Variants in UNC13B observed in about 807,000 individuals in gnomAD.
UNC13B encodes protein unc-13 homolog B.
Under a neutral mutation model 211.0 loss-of-function variants are expected in UNC13B, and 144 were observed. The observed-to-expected ratio is 0.68, with a 90% confidence interval of 0.60 to 0.78. The LOEUF (loss-of-function observed/expected upper bound fraction) is 0.78, where lower values mean the gene tolerates loss of function less well. Among genes scored for constraint, UNC13B ranks in the 30% least tolerant of loss-of-function variants. UNC13B has a pLI of 0.00. For synonymous variants in UNC13B, 709 were observed against 725.8 expected (o/e 0.98, Z 0.37); for missense variants, 1,777 against 2,002.0 (o/e 0.89, Z 2.14).
intron 1 of UNC13B, among the ~76,000 whole-genome samples, chr9:35,201,703 G>GCGTCTATTT: frequency 6.6e-6 from 1 of 152,144 alleles, no homozygotes; most frequent in Middle Eastern, 3.4e-3. Context: ...ATTTTTTACT[G>GCGTCTATTT]CGTCTATTTG....
At chr9:35,235,406 C>T (rs1039945411) in intron 3 of UNC13B, among the ~76,000 whole-genome samples, 5 of 152,110 alleles carry the variant, frequency 3.3e-5, no homozygotes, top group Non-Finnish European at 7.4e-5. Context: ...TTCTCAGGGA[C>T]CCTACTTCTA....
chr9:35,226,987 G>T (rs1212061779), intron 1 of UNC13B, among the ~76,000 whole-genome samples: 1 of 152,156 alleles, frequency 6.6e-6, no homozygotes, highest in Admixed American at 6.5e-5. Context: ...ATTAGTAATT[G>T]CAGAGCTTAA....
chr9:35,228,099 G>T, intron 2 of UNC13B, 55 bp downstream of exon 2: 1 of 1,470,100 alleles, frequency 6.8e-7, no homozygotes, highest in South Asian at 1.3e-5. Flanking sequence ...TTATTTCAAA[G>T]CAATTTAAAA....
chr9:35,211,885 T>C (rs758908092), intron 1 of UNC13B, among the ~76,000 whole-genome samples: 2 of 152,200 alleles, frequency 1.3e-5, no homozygotes, highest in Non-Finnish European at 2.9e-5. Context: ...GGCTTGAGCC[T>C]GGGAGGTTGA....
In UNC13B at chr9:35,295,747, G is replaced by A. The variant is rs1235769574; in HGVS notation, c.578G>A (p.Ser193Asn). 6.2e-7 allele frequency: 1 copy of A among 1,614,136 alleles called. No individual in the cohort carries two copies. The highest frequency in any genetic ancestry group is 8.5e-7 in the Non-Finnish European group (1 of 1,180,026). ...AVDDRDSDYRSETSNSFPPPY... is the reference protein window; with the variant it reads ...AVDDRDSDYRNETSNSFPPPY... ...GATGACCGAGATAGTGACTATCGCAGTGAGACCAGCAACAGCTTCCCACCT... is the reference window on the plus strand; with the variant it reads ...GATGACCGAGATAGTGACTATCGCAATGAGACCAGCAACAGCTTCCCACCT... The change falls in exon 8 of 40, where the codon AGT becomes AAT. Residue 193 changes from serine (S) to asparagine (N), a missense_variant. By Grantham distance (46) the Ser-to-Asn change is conservative (BLOSUM62 1). Transcript: ENST00000635942.
intron 1 of UNC13B, among the ~76,000 whole-genome samples, chr9:35,209,347 A>G (rs1823839671): frequency 6.7e-6 from 1 of 149,998 alleles, no homozygotes; most frequent in African/African-American, 2.5e-5. Flanking sequence ...TAGAGGCATG[A>G]GCTACCACGC....
intron 7 of UNC13B, among the ~76,000 whole-genome samples, chr9:35,267,276 G>T (rs1369609566): frequency 6.6e-6 from 1 of 152,126 alleles, no homozygotes; most frequent in Non-Finnish European, 1.5e-5. Context: ...GGGAAAGTGA[G>T]CCTCTGGTCC....
chr9:35,202,026 C>G (rs1823330358), intron 1 of UNC13B, among the ~76,000 whole-genome samples: 1 of 152,118 alleles, frequency 6.6e-6, no homozygotes, highest in Non-Finnish European at 1.5e-5. Flanking sequence ...ACCAGAGATT[C>G]TGGTATGTTG....
At chr9:35,312,377 T>C (rs552124366) in intron 10 of UNC13B, among the ~76,000 whole-genome samples, 1 of 152,368 alleles carries the variant, frequency 6.6e-6, no homozygotes, top group African/African-American at 2.4e-5. Context: ...GCTCATCTAA[T>C]AGATGGGACA....
At chr9:35,291,007 T>C in intron 7 of UNC13B, 1 of 1,524,680 alleles carries the variant, frequency 6.6e-7, no homozygotes, top group Non-Finnish European at 8.9e-7. Context: ...GGAAATGACT[T>C]TTGAATTCCT....
chr9:35,246,261 G>C (rs554728474), intron 6 of UNC13B, among the ~76,000 whole-genome samples: 1 of 152,168 alleles, frequency 6.6e-6, no homozygotes, highest in South Asian at 2.1e-4. Context: ...CCCTTTGTCA[G>C]AGGAGTAGAT....
chr9:35,392,135 G>A (rs1425206106), intron 26 of UNC13B, among the ~76,000 whole-genome samples: 4 of 152,148 alleles, frequency 2.6e-5, no homozygotes, highest in African/African-American at 9.7e-5. Flanking sequence ...GATAGCATCT[G>A]TTTCTTTGAA....
rs140692398 is a variant in UNC13B at position 35,294,419 on chromosome 9, G to A, written c.527-1277G>A. The stretch of plus-strand genomic sequence containing the variant: ...CCCTCTGGGTTCAAGCGATTCTTCC[G>A]CCTAAGCCTCCCTAGTAGCTAGGAT... On this transcript the variant is annotated intron_variant, in intron 7 of 39. Coordinates refer to ENST00000635942, the MANE Select transcript of UNC13B (RefSeq NM_001371189.2). Among the ~76,000 whole-genome samples, 364 of 151,884 alleles carry A rather than the reference G, an allele frequency of 2.4e-3. 2 individuals are homozygous for A. The highest frequency in any genetic ancestry group is 8.2e-3 in the African/African-American group (340 of 41,422).
chr9:35,196,794 A>G (rs891496651), intron 1 of UNC13B, among the ~76,000 whole-genome samples: 3 of 152,110 alleles, frequency 2.0e-5, no homozygotes, highest in Non-Finnish European at 4.4e-5. Context: ...TTTTTGAGGC[A>G]TGGTCTTGCT....
intron 3 of UNC13B, among the ~76,000 whole-genome samples, chr9:35,233,583 A>G (rs576682335): frequency 6.6e-6 from 1 of 152,196 alleles, no homozygotes; most frequent in South Asian, 2.1e-4. Context: ...TGTCACCGGA[A>G]TCTCCAGTGC....
chr9:35,254,195 G>C lies in UNC13B; in HGVS notation c.469-4798G>C, dbSNP rs1826679150. 2.0e-5 allele frequency among the ~76,000 whole-genome samples: 3 copies of C among 152,170 alleles called. No individual in the cohort carries two copies. The South Asian group carries it at 6.2e-4, about 32-fold the overall frequency. ...TAATAAATATAGTTGAGTATTAGAA[G>C]GTGAGAAGTGCTATAGGGGATTTCT... is the stretch of plus-strand genomic sequence containing the variant. On this transcript the variant is annotated intron_variant, in intron 6 of 39. Transcript: ENST00000635942.
intron 31 of UNC13B, 59 bp from the exon 32 acceptor site, chr9:35,398,495 G>A: frequency 2.0e-6 from 3 of 1,535,978 alleles, no homozygotes; most frequent in Admixed American, 1.7e-5. Context: ...GTAGGGGTGT[G>A]GCAGGGTAGA....
At chr9:35,328,646 TCCTTCCTTCCTTCCTTCCTCCCTC>T (rs1242957857) in intron 11 of UNC13B, among the ~76,000 whole-genome samples, 998 of 83,980 alleles carry the variant, frequency 0.012, 45 homozygotes, top group East Asian at 0.085. Context: ...CTTCCTTCCT[TCCTTCCTTCCTTCCTTCCTCCCTC>T]CCTTCCTTCC....
chr9:35,231,076 T>C (rs1825173524), intron 2 of UNC13B, 44 bp from the exon 3 acceptor site: 2 of 1,295,726 alleles, frequency 1.5e-6, no homozygotes, highest in African/African-American at 2.9e-5. Flanking sequence ...TGGGTAACAA[T>C]CTGAGCACTA....
Sources: allele counts gnomAD v4.1 joint callset (sites outside exome capture counted in the v4.1 genomes callset), GRCh38; gene constraint gnomAD v4.1.1; transcripts MANE v1.5; gene names NCBI Gene and HGNC (gene_info 2026-07-23, HGNC 2026-07-21).